The following GLI3 variants were observed in gnomAD, a reference collection of about 807,000 sequenced individuals.
GLI3 encodes transcription activator GLI3.
GLI3 carries 20 observed loss-of-function variants against 100.8 expected under a neutral mutation model. That is an observed-to-expected ratio of 0.20 (90% CI 0.14 to 0.29). GLI3 has a LOEUF of 0.29. Ranked by LOEUF, GLI3 falls within the 10% of genes least tolerant of loss-of-function variation. The probability of loss-of-function intolerance (pLI) is 1.00; values close to 1 mark genes in which losing one functional copy is unlikely to be tolerated. For synonymous variants in GLI3, 938 were observed against 860.5 expected, an observed-to-expected ratio of 1.09 and a Z score of -1.58; for missense variants, 2,040 against 2,128.5, an observed-to-expected ratio of 0.96 and a Z score of 0.82.
chr7:42,086,966 A>T (rs888515219), intron 3 of GLI3, among the ~76,000 whole-genome samples: 1 of 152,002 alleles, frequency 6.6e-6, no homozygotes, highest in Non-Finnish European at 1.5e-5. Context: ...CAGTATGGGG[A>T]TGAGTCCCTG....
intron 1 of GLI3, among the ~76,000 whole-genome samples, chr7:42,256,016 G>A (rs1012723245): frequency 2.3e-4 from 35 of 152,024 alleles, no homozygotes; most frequent in Non-Finnish European, 4.1e-4. Context: ...AGTGTGTAGC[G>A]GTATCCCATT....
At chr7:42,216,038 C>G (rs2128699786) in intron 2 of GLI3, among the ~76,000 whole-genome samples, 1 of 152,272 alleles carries the variant, frequency 6.6e-6, no homozygotes, top group East Asian at 1.9e-4. Context: ...CTATCAATAG[C>G]TAACATGTTT....
intron 3 of GLI3, among the ~76,000 whole-genome samples, chr7:42,078,626 A>G (rs2128752340): frequency 6.6e-6 from 1 of 152,176 alleles, no homozygotes; most frequent in Non-Finnish European, 1.5e-5. Flanking sequence ...GGAAGGAATC[A>G]GTTTGATCTT....
In GLI3 at chr7:42,068,688, C is replaced by T. The variant is rs551319961; in HGVS notation, c.473+8064G>A. On this transcript the variant is annotated intron_variant, in intron 4 of 14. Coordinates refer to ENST00000395925, the MANE Select transcript of GLI3 (RefSeq NM_000168.6). ...AGCCCTGTGTCATTGGCCTTTGTTC[C>T]CCCGAGGAAAGGTCTGAAATGAACT... 4.4e-4 allele frequency among the ~76,000 whole-genome samples: 67 copies of T among 152,204 alleles called. No individual in the cohort carries two copies. In the South Asian group the frequency reaches 0.014, roughly 31 times the overall value.
At chr7:42,158,867 T>A (rs1487289232) in intron 2 of GLI3, among the ~76,000 whole-genome samples, 2 of 152,190 alleles carry the variant, frequency 1.3e-5, no homozygotes, top group Non-Finnish European at 2.9e-5. Flanking sequence ...CTACAGACTT[T>A]AATCAAACGA....
intron 2 of GLI3, among the ~76,000 whole-genome samples, chr7:42,170,989 T>C (rs1018524403): frequency 2.0e-5 from 3 of 152,146 alleles, no homozygotes; most frequent in Non-Finnish European, 4.4e-5. Context: ...TTATTAATCA[T>C]TCTATGTAAA....
chr7:42,112,592 T>C (rs563580886), intron 3 of GLI3, among the ~76,000 whole-genome samples: 1 of 149,274 alleles, frequency 6.7e-6, no homozygotes, highest in African/African-American at 2.6e-5. Flanking sequence ...ACTTCATAAA[T>C]ATATATGCCC....
chr7:42,058,250 TG>T (rs1304896907), intron 4 of GLI3, among the ~76,000 whole-genome samples: 3 of 152,078 alleles, frequency 2.0e-5, no homozygotes, highest in Admixed American at 1.3e-4. Flanking sequence ...GACTTTCAGG[TG>T]GGTGGAGAGT....
chr7:42,097,796 G>A (rs748311066), intron 3 of GLI3, among the ~76,000 whole-genome samples: 2 of 152,200 alleles, frequency 1.3e-5, no homozygotes, highest in Middle Eastern at 3.4e-3. Flanking sequence ...ACCTTCAAGG[G>A]CCTCAGTTCT....
intron 10 of GLI3, among the ~76,000 whole-genome samples, chr7:42,003,358 G>GAA (rs1303134443): frequency 6.6e-6 from 1 of 151,766 alleles, no homozygotes; most frequent in Admixed American, 6.6e-5. Context: ...TGATGCTAGA[G>GAA]AAAAATATTT....
At chr7:42,259,729 G>A (rs1238379613) in intron 1 of GLI3, among the ~76,000 whole-genome samples, 1 of 152,188 alleles carries the variant, frequency 6.6e-6, no homozygotes, top group Non-Finnish European at 1.5e-5. Context: ...TTTTCCTGCA[G>A]TCAGTAATCT....
chr7:42,136,598 G>A (rs1478893532), intron 3 of GLI3, among the ~76,000 whole-genome samples: 2 of 152,196 alleles, frequency 1.3e-5, no homozygotes. Context: ...TCTAGGTAAG[G>A]TAATGTTAAG....
At chr7:41,977,967 T>C in intron 11 of GLI3, 1 of 550,784 alleles carries the variant, frequency 1.8e-6, no homozygotes, top group South Asian at 2.1e-5. Flanking sequence ...GACCGCTCAA[T>C]GTGGACAATG....
At chr7:42,059,730 T>C (rs1337536770) in intron 4 of GLI3, among the ~76,000 whole-genome samples, 1 of 152,210 alleles carries the variant, frequency 6.6e-6, no homozygotes. Context: ...GGGGCTCTGT[T>C]TTCTAGACAG....
intron 1 of GLI3, among the ~76,000 whole-genome samples, chr7:42,256,282 G>A (rs1487120073): frequency 6.6e-6 from 1 of 151,228 alleles, no homozygotes; most frequent in Non-Finnish European, 1.5e-5. Context: ...AGTTTTTAAT[G>A]TTGATGAAGT....
chr7:42,249,903 TG>T (rs1369735486), intron 1 of GLI3, among the ~76,000 whole-genome samples: 1 of 152,160 alleles, frequency 6.6e-6, no homozygotes, highest in Non-Finnish European at 1.5e-5. Context: ...GAGATCACCC[TG>T]GGCAACATGA....
intron 3 of GLI3, among the ~76,000 whole-genome samples, chr7:42,087,420 G>A (rs1053038179): frequency 6.6e-6 from 1 of 152,194 alleles, no homozygotes; most frequent in Non-Finnish European, 1.5e-5. Flanking sequence ...CCTGCCTTCT[G>A]CTGGGCAGTG....
intron 3 of GLI3, among the ~76,000 whole-genome samples, chr7:42,135,201 G>A (rs944582701): frequency 2.0e-5 from 3 of 152,038 alleles, no homozygotes; most frequent in Non-Finnish European, 4.4e-5. Context: ...TTATTCTACT[G>A]TGTGTGGAGC....
chr7:42,054,888 G>A (rs1485755203), intron 4 of GLI3, among the ~76,000 whole-genome samples: 3 of 151,702 alleles, frequency 2.0e-5, no homozygotes, highest in South Asian at 2.1e-4. Context: ...CCAGCTACTC[G>A]GGAGGCTGAG....
Sources: allele counts gnomAD v4.1 joint callset (sites outside exome capture counted in the v4.1 genomes callset), GRCh38; gene constraint gnomAD v4.1.1; transcripts MANE v1.5; gene names NCBI Gene and HGNC (gene_info 2026-07-23, HGNC 2026-07-21).